DIAPH2: variants seen among roughly 807,000 people sequenced by gnomAD.
The protein encoded by DIAPH2 is protein diaphanous homolog 2.
Under a neutral mutation model 92.7 loss-of-function variants are expected in DIAPH2, and 35 were observed. The ratio of observed to expected loss-of-function variants is 0.38; its 90% confidence interval spans 0.29 to 0.50. The LOEUF (loss-of-function observed/expected upper bound fraction) is 0.50. Among genes scored for constraint, DIAPH2 ranks in the 20% least tolerant of loss-of-function variants. The probability of loss-of-function intolerance (pLI) is 0.94; values close to 1 mark genes in which losing one functional copy is unlikely to be tolerated. For missense variants in DIAPH2, 701 were observed against 819.5 expected, an observed-to-expected ratio of 0.86 and a Z score of 1.77; for synonymous variants, 301 against 280.4, an observed-to-expected ratio of 1.07 and a Z score of -0.73.
At chrX:97,552,321 G>T (rs2071225737) in intron 26 of DIAPH2, among the ~76,000 whole-genome samples, 1 of 111,909 alleles carries the variant, frequency 8.9e-6, no homozygotes, top group Admixed American at 9.5e-5. Flanking sequence ...CAGATGAAAA[G>T]TCAAGAAGTC....
At chrX:97,373,281 A>G (rs1052695285) in intron 24 of DIAPH2, among the ~76,000 whole-genome samples, 1 of 110,516 alleles carries the variant, frequency 9.0e-6, no homozygotes, top group Non-Finnish European at 1.9e-5. Flanking sequence ...TCGAAAGTGG[A>G]TGTTTTCTTC....
Position 97,561,831 on chromosome X carries a change from G to T in DIAPH2, c.3242-37422G>T, listed in dbSNP as rs143307062. On this transcript the variant is annotated intron_variant, in intron 26 of 26. Transcript: ENST00000324765. ...GGCTTGTGCTGAAGAACCAGAACTA[G>T]AAAGAAAATGTAAAATGAAAAGAAG... Among the ~76,000 whole-genome samples the T allele has an allele frequency of 9.7e-3, 1,096 of 112,414 alleles. 14 individuals carry two copies. Among genetic ancestry groups the T allele is most frequent in the African/African-American group, 0.034 (1,041 of 30,944 alleles).
intron 17 of DIAPH2, among the ~76,000 whole-genome samples, chrX:96,976,915 C>A (rs1398716825): frequency 9.0e-6 from 1 of 110,835 alleles, no homozygotes; most frequent in Non-Finnish European, 1.9e-5. Flanking sequence ...TCATACCAAC[C>A]CTAGGTACTT....
intron 25 of DIAPH2, among the ~76,000 whole-genome samples, chrX:97,414,420 G>A (rs2069917252): frequency 9.0e-6 from 1 of 111,262 alleles, no homozygotes; most frequent in Non-Finnish European, 1.9e-5. Flanking sequence ...GGAGGCCAAG[G>A]CAGGTGGATC....
At chrX:97,363,612 G>A (rs1166502377) in intron 24 of DIAPH2, among the ~76,000 whole-genome samples, 2 of 97,704 alleles carry the variant, frequency 2.0e-5, no homozygotes, top group Non-Finnish European at 4.0e-5. Context: ...GTTGCTGTGA[G>A]CCGATATCAC....
chrX:96,962,334 T>C (rs1373258579), intron 16 of DIAPH2, among the ~76,000 whole-genome samples: 2 of 45,310 alleles, frequency 4.4e-5, no homozygotes, highest in Non-Finnish European at 9.6e-5. Flanking sequence ...CACATATATA[T>C]ATACATATAT....
intron 26 of DIAPH2, among the ~76,000 whole-genome samples, chrX:97,495,289 T>G (rs1263631114): frequency 8.9e-6 from 1 of 112,367 alleles, no homozygotes; most frequent in East Asian, 2.8e-4. Flanking sequence ...CATTGTTAAG[T>G]TGGTGTTTCT....
At chrX:96,811,193 T>C (rs534633480) in intron 4 of DIAPH2, among the ~76,000 whole-genome samples, 8 of 111,899 alleles carry the variant, frequency 7.1e-5, no homozygotes, top group African/African-American at 2.3e-4. Context: ...TTTTATTTCA[T>C]TGAGCGGTGG....
chrX:97,215,692 G>A (rs1052814026), intron 22 of DIAPH2, among the ~76,000 whole-genome samples: 3 of 111,548 alleles, frequency 2.7e-5, no homozygotes, highest in African/African-American at 9.8e-5. Context: ...TTGGCTACTT[G>A]TTTGTGCCAT....
At chrX:97,193,733 T>A (rs1184544227) in intron 22 of DIAPH2, among the ~76,000 whole-genome samples, 2 of 112,178 alleles carry the variant, frequency 1.8e-5, no homozygotes, top group African/African-American at 6.5e-5. Flanking sequence ...TATTTTGCTC[T>A]TTAGCAGGAT....
At chrX:97,516,018 C>T (rs1039207789) in intron 26 of DIAPH2, among the ~76,000 whole-genome samples, 8 of 110,347 alleles carry the variant, frequency 7.2e-5, no homozygotes, top group East Asian at 2.9e-4. Flanking sequence ...CACCGGGAGG[C>T]GGAGGCGGGC....
rs748173681 is a variant in DIAPH2 at position 96,957,951 on chromosome X, C to T, written c.1738C>T (p.Pro580Ser). ...ACCCGGAGGAGCTCCTCTTCCTCCT[C>T]CACCACCTCCTTTACCTGGAATGAT... ...PLPGGAPLPP[P>S]PPPLPGMMGI... The change falls in exon 16 of 27, where the codon CCA (proline) becomes TCA (serine). Residue 580 changes from proline (P) to serine (S), a missense_variant. Pro to Ser is a moderately conservative substitution (Grantham distance 74, BLOSUM62 -1). Transcript: ENST00000324765. 1 of 1,210,381 alleles carries T rather than the reference C, an allele frequency of 8.3e-7. No homozygotes were observed. Among genetic ancestry groups the T allele is most frequent in the Non-Finnish European group, 1.1e-6 (1 of 894,900 alleles).
At chrX:97,301,111 A>G (rs1315813168) in intron 23 of DIAPH2, among the ~76,000 whole-genome samples, 1 of 99,605 alleles carries the variant, frequency 1.0e-5, no homozygotes, top group African/African-American at 3.7e-5. Context: ...ACATCGCGCC[A>G]CTGCACTCCA....
chrX:96,872,284 C>T (rs1384415266), intron 4 of DIAPH2, among the ~76,000 whole-genome samples: 1 of 110,904 alleles, frequency 9.0e-6, no homozygotes, highest in Admixed American at 9.7e-5. Flanking sequence ...TGGCAAGTAT[C>T]ATTCTACTCT....
intron 1 of DIAPH2, among the ~76,000 whole-genome samples, chrX:96,691,665 C>T (rs1322861474): frequency 8.9e-6 from 1 of 112,068 alleles, no homozygotes; most frequent in Non-Finnish European, 1.9e-5. Context: ...TCTTACTTAT[C>T]ACCATTTGCA....
At chrX:97,325,977 A>G (rs2068947794) in intron 23 of DIAPH2, among the ~76,000 whole-genome samples, 1 of 112,365 alleles carries the variant, frequency 8.9e-6, no homozygotes, top group African/African-American at 3.2e-5. Context: ...AACTTGATCT[A>G]CTTTATTTAA....
intron 15 of DIAPH2, chrX:96,953,929 C>T (rs1246064625): frequency 1.8e-5 from 2 of 112,108 alleles, no homozygotes; most frequent in African/African-American, 3.2e-5. Context: ...CCAATGAATA[C>T]ATTCACTAGA....
intron 4 of DIAPH2, among the ~76,000 whole-genome samples, chrX:96,836,779 G>A (rs1289413466): frequency 1.3e-5 from 1 of 79,408 alleles, no homozygotes; most frequent in Non-Finnish European, 2.3e-5. Flanking sequence ...CCAGGCTGGA[G>A]TGCAGTGGCG....
chrX:97,112,015 A>G (rs2066983819), intron 20 of DIAPH2, among the ~76,000 whole-genome samples: 1 of 112,412 alleles, frequency 8.9e-6, no homozygotes, highest in Admixed American at 9.4e-5. Context: ...CATTGTTACC[A>G]TCATTATCAA....
Sources: gnomAD v4.1 joint callset for allele counts (sites outside exome capture counted in the v4.1 genomes callset) on GRCh38, gnomAD v4.1.1 for gene constraint, MANE v1.5 for transcripts, NCBI Gene and HGNC (gene_info 2026-07-23, HGNC 2026-07-21) for gene names.